The following CYP3A43 variants were observed in gnomAD, a reference collection of about 807,000 sequenced individuals.
The protein encoded by CYP3A43 is cytochrome P450 3A43.
In CYP3A43, 45 loss-of-function variants were observed where a neutral mutation model predicts 58.0. The observed-to-expected ratio is 0.78, with a 90% CI of 0.61 to 0.99. The LOEUF is 0.99. Among genes scored for constraint, CYP3A43 ranks in the 50% least tolerant of loss-of-function variants. The pLI is 0.00. For missense variants in CYP3A43, 593 were observed against 591.9 expected, an observed-to-expected ratio of 1.00 and a Z score of -0.02; for synonymous variants, 191 against 201.4, an observed-to-expected ratio of 0.95 and a Z score of 0.44.
rs548682119 is a variant in CYP3A43, at chr7:99,860,029, A to T, written c.1026+39A>T. Reference sequence around the variant, plus strand: ...CCCCTGGAGAAGGAGGGAGAAGGTGAAGCCTCAGCAAGAATGCCTCCTCAC... The same window carrying T: ...CCCCTGGAGAAGGAGGGAGAAGGTGTAGCCTCAGCAAGAATGCCTCCTCAC... On this transcript the variant is annotated intron_variant, in intron 10 of 12. Transcript: ENST00000354829. 2.1e-5 allele frequency: 32 copies of T among 1,535,340 alleles called. No individual in the cohort carries two copies. The South Asian group carries it at 3.9e-4, about 19-fold the overall frequency.
chr7:99,849,728 C>T (rs1817676573), intron 7 of CYP3A43, 34 bp downstream of exon 7: 2 of 1,532,850 alleles, frequency 1.3e-6, no homozygotes, highest in Non-Finnish European at 1.7e-6. Flanking sequence ...CTCTCTCTCT[C>T]TCTCTCTCAT....
chr7:99,845,124 A>G (rs751058309), intron 4 of CYP3A43, among the ~76,000 whole-genome samples: 3 of 151,670 alleles, frequency 2.0e-5, no homozygotes, highest in South Asian at 2.1e-4. Context: ...TTTATGATAC[A>G]TTTTGTGTTA....
intron 3 of CYP3A43, among the ~76,000 whole-genome samples, chr7:99,842,775 T>C (rs1817386220): frequency 6.6e-6 from 1 of 152,184 alleles, no homozygotes; most frequent in Non-Finnish European, 1.5e-5. Context: ...GAAAGCCAGA[T>C]TCCCAAAATG....
intron 6 of CYP3A43, 150 bp from the exon 7 acceptor site, chr7:99,849,396 T>G (rs990449106): frequency 8.8e-6 from 8 of 907,686 alleles, no homozygotes; most frequent in Non-Finnish European, 7.8e-6. Context: ...AAATGCCTCA[T>G]GAGTATGATG....
At chr7:99,864,794 G>T (rs564239176) in intron 12 of CYP3A43, among the ~76,000 whole-genome samples, 1 of 148,530 alleles carries the variant, frequency 6.7e-6, no homozygotes, top group Admixed American at 6.6e-5. Context: ...TTTAATATGT[G>T]ACATTTGTAT....
chr7:99,830,385 G>A (rs1816796370), intron 1 of CYP3A43, among the ~76,000 whole-genome samples: 1 of 152,154 alleles, frequency 6.6e-6, no homozygotes, highest in South Asian at 2.1e-4. Context: ...GGGTGTGGTG[G>A]CAGGTGCCTG....
intron 9 of CYP3A43, among the ~76,000 whole-genome samples, chr7:99,859,209 C>A (rs1818119142): frequency 6.6e-6 from 1 of 152,176 alleles, no homozygotes; most frequent in African/African-American, 2.4e-5. Context: ...GATTTTGATT[C>A]TGCAGTTTGA....
At chr7:99,843,928 T>A (rs977536219) in intron 3 of CYP3A43, among the ~76,000 whole-genome samples, 2 of 152,220 alleles carry the variant, frequency 1.3e-5, no homozygotes, top group Non-Finnish European at 2.9e-5. Context: ...TTGAGCCACA[T>A]CACCCTTCGT....
At chr7:99,829,454 G>T (rs1486293004) in intron 1 of CYP3A43, among the ~76,000 whole-genome samples, 1 of 152,118 alleles carries the variant, frequency 6.6e-6, no homozygotes, top group Non-Finnish European at 1.5e-5. Flanking sequence ...CATTGGTTTG[G>T]TCCACAAAGG....
chr7:99,854,902 C>A (rs777577948), intron 7 of CYP3A43, among the ~76,000 whole-genome samples: 7 of 144,988 alleles, frequency 4.8e-5, no homozygotes, highest in Non-Finnish European at 7.5e-5. Flanking sequence ...TTTTTTCTTT[C>A]GAGAGACATT....
In CYP3A43 at chr7:99,847,565, G is replaced by A. The variant is rs140041607; in HGVS notation, c.396G>A (p.Leu132=). 6.2e-7 allele frequency: 1 copy of A among 1,613,920 alleles called. No homozygotes were observed. Among genetic ancestry groups the A allele is most frequent in the East Asian group, 2.2e-5 (1 of 44,870 alleles). The change falls in exon 5 of 13, where the codon TTG becomes TTA. Residue 132 remains leucine (L), a synonymous_variant. Transcript: ENST00000354829. ...EDEEWKRIRT[L]LSPAFTSVKF... is the part of the protein sequence containing the mutation. ...AAGAATGGAAGAGAATACGAACATT[G>A]CTATCTCCAGCTTTCACCAGTGTAA...
intron 7 of CYP3A43, among the ~76,000 whole-genome samples, chr7:99,852,337 T>A (rs1342898084): frequency 6.6e-6 from 1 of 152,206 alleles, no homozygotes; most frequent in Admixed American, 6.5e-5. Flanking sequence ...CTACAAAGAA[T>A]CTAGCTAGGA....
intron 2 of CYP3A43, 81 bp from the exon 3 acceptor site, chr7:99,839,038 AT>A: frequency 6.7e-7 from 1 of 1,498,014 alleles, no homozygotes; most frequent in African/African-American, 1.4e-5. Flanking sequence ...AAGTCATTGG[AT>A]TTGACTTTTT....
intron 11 of CYP3A43, among the ~76,000 whole-genome samples, chr7:99,862,242 A>G (rs59785299): frequency 6.6e-6 from 1 of 152,236 alleles, no homozygotes; most frequent in African/African-American, 2.4e-5. Flanking sequence ...CTTGTTATTC[A>G]TTTCAGTTTT....
At chr7:99,857,077 G>A (rs1244763386) in intron 9 of CYP3A43, among the ~76,000 whole-genome samples, 178 bp downstream of exon 9, 1 of 152,148 alleles carries the variant, frequency 6.6e-6, no homozygotes, top group African/African-American at 2.4e-5. Context: ...CACAGGCATA[G>A]CCACATTCCA....
rs118096360 is a variant in CYP3A43, at chr7:99,840,571, G to A, written c.218+1399G>A. 4.1e-4 allele frequency among the ~76,000 whole-genome samples: 63 copies of A among 152,202 alleles called. No individual in the cohort carries two copies. The East Asian group carries it at 8.5e-3, about 20-fold the overall frequency. On this transcript the variant is annotated intron_variant, in intron 3 of 12. Coordinates refer to ENST00000354829, the MANE Select transcript of CYP3A43 (RefSeq NM_057095.3). The stretch of plus-strand genomic sequence containing the variant: ...CTTTTCACATGTAAAGTGCAGGTTC[G>A]ATGAGAGCTAATTGGTGCCTTACAC...
rs768594862 is a variant in CYP3A43 at position 99,847,736 on chromosome 7, G to A, written c.432+135G>A. The A allele has an allele frequency of 6.1e-5, 84 of 1,381,944 alleles. No individual in the cohort carries two copies. The Middle Eastern group carries it at 1.5e-3, about 25-fold the overall frequency. The allele number at this position is 1,381,944 out of a possible 1,614,324, so 85.6% of individuals were successfully genotyped here. A position where few individuals can be genotyped will look rare whatever the true frequency, so the allele number is the denominator to read the frequency against. ...TTCTAAAAAGGGTCTTTTCAGCTGGGCACAGTGGCTCATGCCTGTAATCCC... is the reference window on the plus strand; with the variant it reads ...TTCTAAAAAGGGTCTTTTCAGCTGGACACAGTGGCTCATGCCTGTAATCCC... On this transcript the variant is annotated intron_variant, in intron 5 of 12. Coordinates refer to ENST00000354829, the MANE Select transcript of CYP3A43 (RefSeq NM_057095.3).
chr7:99,850,938 G>A (rs1162837829), intron 7 of CYP3A43, among the ~76,000 whole-genome samples: 1 of 151,986 alleles, frequency 6.6e-6, no homozygotes, highest in Non-Finnish European at 1.5e-5. Context: ...GGAGGCCGAG[G>A]TGGGCAGATC....
intron 8 of CYP3A43, 22 bp downstream of exon 8, chr7:99,855,740 A>G (rs1258239787): frequency 1.3e-6 from 2 of 1,585,526 alleles, no homozygotes; most frequent in Admixed American, 1.8e-5. Flanking sequence ...TGGTGGTGAC[A>G]TGAGAATGTT....
Sources: allele counts gnomAD v4.1 joint callset (sites outside exome capture counted in the v4.1 genomes callset), GRCh38; gene constraint gnomAD v4.1.1; transcripts MANE v1.5; gene names NCBI Gene and HGNC (gene_info 2026-07-23, HGNC 2026-07-21).